PSAT1: variants seen among roughly 807,000 people sequenced by gnomAD.
The protein encoded by PSAT1 is phosphoserine aminotransferase.
In PSAT1, 41 loss-of-function variants were observed where a neutral mutation model predicts 40.3. That is an observed-to-expected ratio of 1.02 (90% CI 0.79 to 1.32). The LOEUF is 1.32. Among genes scored for constraint, PSAT1 ranks in the 40% most tolerant of loss-of-function variants. PSAT1 has a pLI of 0.00. For missense variants in PSAT1, 406 were observed against 455.8 expected, an observed-to-expected ratio of 0.89 and a Z score of 0.99; for synonymous variants, 147 against 170.5, an observed-to-expected ratio of 0.86 and a Z score of 1.07.
intron 4 of PSAT1, among the ~76,000 whole-genome samples, chr9:78,306,020 C>T (rs768115364): frequency 1.3e-5 from 2 of 152,174 alleles, no homozygotes; most frequent in Admixed American, 1.3e-4. Context: ...ACCTTAGCCT[C>T]CTAAATATCT....
chr9:78,299,859 A>G (rs1828082915), intron 1 of PSAT1, among the ~76,000 whole-genome samples: 1 of 152,148 alleles, frequency 6.6e-6, no homozygotes, highest in Admixed American at 6.5e-5. Context: ...ACAAGTTGCA[A>G]TCCAGTTTAG....
chr9:78,315,369 G>A (rs1828326768), intron 6 of PSAT1, among the ~76,000 whole-genome samples: 2 of 152,192 alleles, frequency 1.3e-5, no homozygotes, highest in Admixed American at 6.5e-5. Context: ...ATGGGATGAC[G>A]GTGGCTCTAA....
chr9:78,298,321 A>T, intron 1 of PSAT1: 1 of 985,352 alleles, frequency 1.0e-6, no homozygotes. Flanking sequence ...AGCATGAGGC[A>T]TAGCCAAGTA....
In PSAT1 at chr9:78,323,243, A is replaced by T. The variant is rs1422261754; in HGVS notation, c.870-4808A>T. ...TCATCAGACCAAAAGGAGCAAGAGC[A>T]AGTGTAGGAAAAGACAAATCTATTA... is the stretch of plus-strand genomic sequence containing the variant. On this transcript the variant is annotated intron_variant, in intron 7 of 8. Transcript: ENST00000376588. Among the ~76,000 whole-genome samples the T allele has an allele frequency of 2.6e-5, 4 of 152,206 alleles. No homozygotes were observed. In the East Asian group the frequency reaches 7.7e-4, roughly 29 times the overall value.
intron 7 of PSAT1, among the ~76,000 whole-genome samples, chr9:78,318,443 T>C (rs1379764392): frequency 6.6e-6 from 1 of 152,218 alleles, no homozygotes; most frequent in Non-Finnish European, 1.5e-5. Flanking sequence ...TGTAACAAAG[T>C]ACTACAGACT....
At chr9:78,315,848 G>GT (rs2118675424) in intron 6 of PSAT1, among the ~76,000 whole-genome samples, 1 of 152,346 alleles carries the variant, frequency 6.6e-6, no homozygotes, top group South Asian at 2.1e-4. Context: ...ACCCCATAAT[G>GT]TCCCCTCCTG....
At chr9:78,310,407 G>A (rs1828249284) in intron 6 of PSAT1, among the ~76,000 whole-genome samples, 1 of 152,074 alleles carries the variant, frequency 6.6e-6, no homozygotes, top group South Asian at 2.1e-4. Flanking sequence ...TCTGCCTTAG[G>A]AGAATAGTTC....
chr9:78,325,072 A>G (rs1419746523), intron 7 of PSAT1, among the ~76,000 whole-genome samples: 1 of 152,178 alleles, frequency 6.6e-6, no homozygotes, highest in Non-Finnish European at 1.5e-5. Context: ...CAAACACAAT[A>G]TAGAATCCAA....
chr9:78,306,519 A>G, intron 5 of PSAT1, 33 bp downstream of exon 5: 1 of 1,613,608 alleles, frequency 6.2e-7, no homozygotes, highest in Non-Finnish European at 8.5e-7. Flanking sequence ...AGGGGAACCC[A>G]CTGACTCGGT....
At chr9:78,310,419 C>T (rs548763850) in intron 6 of PSAT1, among the ~76,000 whole-genome samples, 1 of 152,102 alleles carries the variant, frequency 6.6e-6, no homozygotes, top group South Asian at 2.1e-4. Flanking sequence ...GAATAGTTCA[C>T]TGTTGGAGTC....
chr9:78,305,802 A>G (rs1189149818), intron 4 of PSAT1, among the ~76,000 whole-genome samples: 1 of 152,222 alleles, frequency 6.6e-6, no homozygotes, highest in Non-Finnish European at 1.5e-5. Flanking sequence ...AGAAGAAACT[A>G]CTAGTCCATC....
intron 5 of PSAT1, among the ~76,000 whole-genome samples, chr9:78,307,621 C>T (rs187001790): frequency 1.3e-5 from 2 of 152,172 alleles, no homozygotes; most frequent in Admixed American, 6.5e-5. Context: ...ACCTAAAGTA[C>T]CTTTAAGCCT....
chr9:78,311,020 G>A (rs975124463), intron 6 of PSAT1, among the ~76,000 whole-genome samples: 7 of 152,224 alleles, frequency 4.6e-5, no homozygotes, highest in Non-Finnish European at 8.8e-5. Context: ...GAGTGTTCTG[G>A]GATGCACTCT....
chr9:78,297,396 A>T, intron 1 of PSAT1, 126 bp downstream of exon 1: 2 of 1,137,556 alleles, frequency 1.8e-6, no homozygotes, highest in Non-Finnish European at 1.3e-6. Context: ...GGCGCTTTGC[A>T]TCAGCGTGCA....
chr9:78,297,528 C>G (rs1157214435), intron 1 of PSAT1, among the ~76,000 whole-genome samples: 1 of 152,240 alleles, frequency 6.6e-6, no homozygotes, highest in Non-Finnish European at 1.5e-5. Flanking sequence ...CAGTGCACGA[C>G]TCAGCTGGCC....
At chr9:78,300,526 G>A (rs1214445714) in intron 1 of PSAT1, 76 bp from the exon 2 acceptor site, 44 of 1,523,700 alleles carry the variant, frequency 2.9e-5, no homozygotes, top group African/African-American at 5.6e-5. Context: ...TTGTCCCCTC[G>A]TCAGGTTTGT....
chr9:78,327,909 TGGG>T, intron 7 of PSAT1, 139 bp from the exon 8 acceptor site: 1 of 826,184 alleles, frequency 1.2e-6, no homozygotes. Flanking sequence ...ATAAATGTGC[TGGG>T]GCAGATTTTT....
chr9:78,305,073 T>C, intron 4 of PSAT1, 133 bp downstream of exon 4: 1 of 823,184 alleles, frequency 1.2e-6, no homozygotes, highest in South Asian at 1.5e-5. Context: ...TGGGTGGCTG[T>C]ACTAGCTAAG....
Position 78,304,779 on chromosome 9 carries a change from G to T in PSAT1, c.236G>T (p.Gly79Val). Residue 79 changes from glycine (G) to valine (V), a missense_variant, in exon 4 of 9, where the codon GGG becomes GTG. Physicochemically the swap from Gly to Val is moderately radical, Grantham distance 109. Coordinates refer to ENST00000376588, the MANE Select transcript of PSAT1 (RefSeq NM_058179.4). ...NYKVIFLQGGGCGQFSAVPLN... is the reference protein window; with the variant it reads ...NYKVIFLQGGVCGQFSAVPLN... ...AAGGTGATTTTTCTGCAAGGAGGTG[G>T]GTGCGGCCAGTTCAGTGCTGTCCCC... is the stretch of plus-strand genomic sequence containing the variant. 6.2e-7 allele frequency: 1 copy of T among 1,614,162 alleles called. No homozygotes were observed.
Sources: gnomAD v4.1 joint callset for allele counts (sites outside exome capture counted in the v4.1 genomes callset) on GRCh38, gnomAD v4.1.1 for gene constraint, MANE v1.5 for transcripts, NCBI Gene and HGNC (gene_info 2026-07-23, HGNC 2026-07-21) for gene names.